The following IL6R variants were observed in gnomAD, a reference collection of about 807,000 sequenced individuals.
The protein encoded by IL6R is interleukin-6 receptor subunit alpha.
Under a neutral mutation model 48.3 loss-of-function variants are expected in IL6R, and 38 were observed. The ratio of observed to expected loss-of-function variants is 0.79; its 90% confidence interval spans 0.61 to 1.03. IL6R has a LOEUF of 1.03. IL6R is among the 50% of genes least tolerant of loss of function. The pLI, the probability that IL6R is intolerant of heterozygous loss-of-function variation, is 0.00. For synonymous variants in IL6R, 264 were observed against 256.2 expected (o/e 1.03, Z -0.29); for missense variants, 534 against 618.3 (o/e 0.86, Z 1.45).
chr1:154,415,703 G>C (rs1337596402), intron 1 of IL6R, among the ~76,000 whole-genome samples: 1 of 152,164 alleles, frequency 6.6e-6, no homozygotes, highest in African/African-American at 2.4e-5. Context: ...TATCAGCCGG[G>C]TGCAGTGGCT....
Position 154,465,352 on chromosome 1 carries a change from G to A in IL6R, c.1379G>A (p.Ser460Asn). The stretch of plus-strand genomic sequence containing the variant: ...GACCCACGGAGCCCTTATGACATCA[G>A]CAATACAGACTACTTCTTCCCCAGA... ...ARDPRSPYDISNTDYFFPR is the reference protein window; with the variant it reads ...ARDPRSPYDINNTDYFFPR Residue 460 changes from serine to asparagine, a missense_variant, in exon 10 of 10, where the codon AGC (serine) becomes AAC (asparagine). Ser to Asn is a conservative substitution (Grantham distance 46, BLOSUM62 1). Transcript: ENST00000368485. The A allele has an allele frequency of 1.2e-6, 2 of 1,614,154 alleles. No individual in the cohort carries two copies. Among genetic ancestry groups the A allele is most frequent in the African/African-American group, 2.7e-5 (2 of 75,034 alleles).
At chr1:154,449,365 T>G (rs542400093) in intron 7 of IL6R, among the ~76,000 whole-genome samples, 19 of 152,110 alleles carry the variant, frequency 1.2e-4, no homozygotes, top group African/African-American at 4.6e-4. Context: ...AATACAAAAT[T>G]AGCTGGGTGT....
In IL6R at chr1:154,467,422, T is replaced by G. The variant is rs1691605751; in HGVS notation, c.*2042T>G. 6.6e-6 allele frequency: 1 copy of G among 152,232 alleles called. No individual in the cohort carries two copies. The highest frequency in any genetic ancestry group is 6.5e-5 in the Admixed American group (1 of 15,290). 9.4% of individuals were successfully genotyped at this position (152,232 alleles called of 1,614,324 possible). A position where few individuals can be genotyped will look rare whatever the true frequency, so the allele number is the denominator to read the frequency against. Reference sequence around the variant, plus strand: ...AGACCACAAAACTTTTCTAATACTCTACCCTCTTAGAAAAACCACCACCAT... The same window carrying G: ...AGACCACAAAACTTTTCTAATACTCGACCCTCTTAGAAAAACCACCACCAT... On this transcript the variant is annotated 3_prime_UTR_variant, in exon 10 of 10. Transcript: ENST00000368485.
In IL6R at chr1:154,405,798, T is replaced by C; in HGVS notation, c.85+84T>C. ...TTGGTCACCGCAGTCTGTGGGAGGC[T>C]GGAGGGAGGAAAGGAGGTGCGACGG... On this transcript the variant is annotated intron_variant, in intron 1 of 9. Coordinates refer to ENST00000368485, the MANE Select transcript of IL6R (RefSeq NM_000565.4). The surrounding 1 kb of genome is among the most constrained non-coding windows in gnomAD (Gnocchi z 5.2). 9.6e-7 allele frequency: 1 copy of C among 1,039,658 alleles called. No individual in the cohort carries two copies. Among genetic ancestry groups the C allele is most frequent in the Non-Finnish European group, 1.3e-6 (1 of 761,076 alleles). The allele number at this position is 1,039,658 out of a possible 1,614,324, so 64.4% of individuals were successfully genotyped here.
chr1:154,419,670 G>A (rs547133549), intron 1 of IL6R, among the ~76,000 whole-genome samples: 2 of 152,310 alleles, frequency 1.3e-5, no homozygotes, highest in Admixed American at 1.3e-4. Context: ...TGTGTCCTCG[G>A]TGGCAGGCCA....
intron 1 of IL6R, among the ~76,000 whole-genome samples, chr1:154,412,121 G>T (rs1435366402): frequency 6.6e-6 from 1 of 151,252 alleles, no homozygotes; most frequent in Non-Finnish European, 1.5e-5. Context: ...CTAATTTTTT[G>T]TATTTTTAGT....
intron 6 of IL6R, 59 bp downstream of exon 6, chr1:154,436,169 C>T: frequency 1.3e-6 from 2 of 1,534,560 alleles, no homozygotes; most frequent in Non-Finnish European, 1.8e-6. Flanking sequence ...CATCAGGTAT[C>T]CATTGCTATG....
rs1387169573 is a variant in IL6R at position 154,447,486 on chromosome 1, C to CAT, written c.950-638_950-637insTA. 5.3e-4 allele frequency among the ~76,000 whole-genome samples: 45 copies of CAT among 85,152 alleles called. 2 individuals are homozygous for CAT. Among genetic ancestry groups the CAT allele is most frequent in the Non-Finnish European group, 8.0e-4 (39 of 48,450 alleles). The allele number at this position is 85,152 out of a possible 152,430, so 55.9% of individuals were successfully genotyped here. A position where few individuals can be genotyped will look rare whatever the true frequency, so the allele number is the denominator to read the frequency against. ...ATATATATATATATATACACACACA[C>CAT]ACACACACACACACACATATATATA... On this transcript the variant is annotated intron_variant, in intron 6 of 9. Transcript: ENST00000368485.
chr1:154,418,043 A>G (rs1373170106), intron 1 of IL6R, among the ~76,000 whole-genome samples: 1 of 150,944 alleles, frequency 6.6e-6, no homozygotes, highest in East Asian at 1.9e-4. Flanking sequence ...TAATTTTTGT[A>G]TTTTTTGGTA....
In IL6R at chr1:154,434,651, T is replaced by G. The variant is rs746824217; in HGVS notation, c.591T>G (p.Ser197Arg). ...FYIVSMCVAS[S>R]VGSKFSKTQT... is the part of the protein sequence containing the mutation. Reference sequence around the variant, plus strand: ...TAGTGTCCATGTGCGTCGCCAGTAGTGTCGGGAGCAAGTTCAGCAAAACTC... The same window carrying G: ...TAGTGTCCATGTGCGTCGCCAGTAGGGTCGGGAGCAAGTTCAGCAAAACTC... The change falls in exon 4 of 10, where the codon AGT (serine) becomes AGG (arginine). Residue 197 changes from serine to arginine, a missense_variant. Coordinates refer to ENST00000368485, the MANE Select transcript of IL6R (RefSeq NM_000565.4). The G allele has an allele frequency of 8.7e-6, 14 of 1,614,040 alleles. No homozygotes were observed. The African/African-American group carries it at 1.7e-4, about 20-fold the overall frequency.
chr1:154,420,286 G>A (rs769493531), intron 1 of IL6R, among the ~76,000 whole-genome samples: 2 of 152,170 alleles, frequency 1.3e-5, no homozygotes, highest in Non-Finnish European at 2.9e-5. Context: ...TGGGCGCCAT[G>A]GGATGCTAGA....
intron 1 of IL6R, among the ~76,000 whole-genome samples, chr1:154,424,970 T>C (rs1262686152): frequency 6.6e-6 from 1 of 152,004 alleles, no homozygotes; most frequent in African/African-American, 2.4e-5. Flanking sequence ...AGGGTTGTGA[T>C]TGATTGAGCA....
chr1:154,444,157 C>T (rs771455664), intron 6 of IL6R, among the ~76,000 whole-genome samples: 2 of 151,802 alleles, frequency 1.3e-5, no homozygotes, highest in Admixed American at 6.6e-5. Context: ...TGGGATTTCA[C>T]GGGTCTGTAA....
intron 1 of IL6R, among the ~76,000 whole-genome samples, chr1:154,416,901 G>C (rs550223800): frequency 6.6e-6 from 1 of 152,224 alleles, no homozygotes; most frequent in South Asian, 2.1e-4. Flanking sequence ...CATCCTCAGG[G>C]GAGCCCTGAA....
At chr1:154,442,872 G>A (rs1430130385) in intron 6 of IL6R, among the ~76,000 whole-genome samples, 5 of 151,232 alleles carry the variant, frequency 3.3e-5, no homozygotes, top group Non-Finnish European at 7.4e-5. Flanking sequence ...CTCCAGCCTT[G>A]AACTCCTGCC....
At chr1:154,415,013 G>A in intron 1 of IL6R, 1 of 1,524,494 alleles carries the variant, frequency 6.6e-7, no homozygotes. Flanking sequence ...TGGTCAGCTT[G>A]GTCCCTGTGG....
At chr1:154,448,247 AT>A in intron 7 of IL6R, 76 bp downstream of exon 7, 1 of 1,224,110 alleles carries the variant, frequency 8.2e-7, no homozygotes, top group Non-Finnish European at 1.2e-6. Context: ...GCCAGACCGA[AT>A]TTGGTTTAAA....
At chr1:154,423,258 T>TAA (rs1688781147) in intron 1 of IL6R, among the ~76,000 whole-genome samples, 1 of 123,270 alleles carries the variant, frequency 8.1e-6, no homozygotes, top group African/African-American at 3.3e-5. Context: ...CTTGTTTAAT[T>TAA]AAATATATAT....
intron 6 of IL6R, among the ~76,000 whole-genome samples, chr1:154,440,077 A>G (rs1689848391): frequency 6.6e-6 from 1 of 151,996 alleles, no homozygotes; most frequent in African/African-American, 2.4e-5. Flanking sequence ...TAATTTTTGT[A>G]TTTTTTGTAG....
Sources: gnomAD v4.1 joint callset for allele counts (sites outside exome capture counted in the v4.1 genomes callset) on GRCh38, gnomAD v4.1.1 for gene constraint, Gnocchi (gnomAD v3.1) non-coding constraint, MANE v1.5 for transcripts, NCBI Gene and HGNC (gene_info 2026-07-23, HGNC 2026-07-21) for gene names.